Variants in ASRGL1 observed in about 807,000 individuals in gnomAD.
ASRGL1 encodes the protein asparaginase and isoaspartyl peptidase 1.
Under a neutral mutation model 22.4 loss-of-function variants are expected in ASRGL1, and 16 were observed. That is an observed-to-expected ratio of 0.71 (90% CI 0.48 to 1.08). The LOEUF is 1.08. Among genes scored for constraint, ASRGL1 ranks in the 50% least tolerant of loss-of-function variants. ASRGL1 has a pLI of 0.00. For synonymous variants in ASRGL1, 165 were observed against 159.3 expected (o/e 1.04, Z -0.27); for missense variants, 412 against 410.1 (o/e 1.00, Z -0.04).
At chr11:62,377,001 A>G (rs770530656) in intron 4 of ASRGL1, among the ~76,000 whole-genome samples, 2 of 152,252 alleles carry the variant, frequency 1.3e-5, no homozygotes, top group African/African-American at 2.4e-5. Flanking sequence ...ATAACACATT[A>G]GGACATAGAC....
At chr11:62,395,286 G>A (rs148589098), downstream of ASRGL1, among the ~76,000 whole-genome samples, 474 of 152,192 alleles carry the variant, frequency 3.1e-3, 4 homozygotes, top group African/African-American at 0.011. Context: ...CTGGCAGCCC[G>A]GCCCCGCCCC....
chr11:62,349,601 T>C (rs1269950335), intron 2 of ASRGL1, among the ~76,000 whole-genome samples: 2 of 152,146 alleles, frequency 1.3e-5, no homozygotes, highest in Non-Finnish European at 2.9e-5. Flanking sequence ...TCTTTCTTAT[T>C]ACTATTATTT....
At chr11:62,368,241 A>G (rs370419808) in intron 4 of ASRGL1, among the ~76,000 whole-genome samples, 78 of 152,310 alleles carry the variant, frequency 5.1e-4, no homozygotes, top group African/African-American at 1.8e-3. Context: ...AGGTATGTAC[A>G]TACAGTATAG....
downstream of ASRGL1, among the ~76,000 whole-genome samples, chr11:62,396,022 C>T (rs944616238): frequency 5.9e-5 from 9 of 152,014 alleles, no homozygotes; most frequent in African/African-American, 1.9e-4. Flanking sequence ...GATCCACCCA[C>T]CTCGGCCCCC....
intron 4 of ASRGL1, chr11:62,372,083 T>C: frequency 1.3e-6 from 1 of 768,050 alleles, no homozygotes; most frequent in Non-Finnish European, 2.4e-6. Context: ...CTCTGGCTCC[T>C]GTGCTGCACA....
intron 2 of ASRGL1, among the ~76,000 whole-genome samples, chr11:62,350,952 C>G (rs1031519336): frequency 1.9e-4 from 29 of 151,988 alleles, no homozygotes; most frequent in Non-Finnish European, 2.1e-4. Flanking sequence ...CTTTTTCTTG[C>G]CTTCCTATGG....
chr11:62,371,685 G>T, intron 4 of ASRGL1: 1 of 603,962 alleles, frequency 1.7e-6, no homozygotes. Flanking sequence ...AGGAGTGGTG[G>T]CTCAGGCTTG....
chr11:62,373,620 T>C (rs1009374818), intron 4 of ASRGL1, among the ~76,000 whole-genome samples: 3 of 152,252 alleles, frequency 2.0e-5, no homozygotes, highest in African/African-American at 7.2e-5. Flanking sequence ...CTAGGCGAAG[T>C]CGCCGGCCCA....
intron 2 of ASRGL1, among the ~76,000 whole-genome samples, chr11:62,340,202 C>A (rs555454155): frequency 2.0e-5 from 3 of 152,290 alleles, no homozygotes; most frequent in Admixed American, 2.0e-4. Flanking sequence ...CCCAGGAGGT[C>A]AAGGCTGCAA....
chr11:62,394,199 TA>T (rs1252934665), downstream of ASRGL1, among the ~76,000 whole-genome samples: 17 of 133,204 alleles, frequency 1.3e-4, no homozygotes, highest in African/African-American at 5.3e-4. Context: ...TACTATTATA[TA>T]TAATATATGA....
chr11:62,354,567 G>A (rs1276032959), intron 2 of ASRGL1, among the ~76,000 whole-genome samples: 1 of 152,188 alleles, frequency 6.6e-6, no homozygotes, highest in Non-Finnish European at 1.5e-5. Context: ...CACAAGCACT[G>A]AGAGGTGCTA....
rs181958680 is a variant in ASRGL1, at chr11:62,339,148, A to G, written c.190+981A>G. 1.6e-3 allele frequency among the ~76,000 whole-genome samples: 247 copies of G among 152,308 alleles called. 1 individual carries two copies. Among genetic ancestry groups the G allele is most frequent in the East Asian group, 7.3e-3 (38 of 5,174 alleles). On this transcript the variant is annotated intron_variant, in intron 2 of 6. Coordinates refer to ENST00000415229, the MANE Select transcript of ASRGL1 (RefSeq NM_001083926.2). ...TCTCTTCAGAATGTAGATTTTCCCC[A>G]CAAGAGATAGCTTTAGCTTTGCAGG...
intron 4 of ASRGL1, chr11:62,381,887 C>T (rs901193013): frequency 1.3e-5 from 2 of 152,926 alleles, no homozygotes; most frequent in Non-Finnish European, 2.9e-5. Flanking sequence ...CACGCTCTAG[C>T]TCACCTTCAC....
At position 62,373,242 on chromosome 11, in the gene ASRGL1, G is replaced by A. The variant is rs557602699; in HGVS notation, c.492-15891G>A. ...CTGTCATTTCCATGTGCACTGGGACGGGAAGTCAAACAAGGAATTTAAAAA... is the reference window on the plus strand; with the variant it reads ...CTGTCATTTCCATGTGCACTGGGACAGGAAGTCAAACAAGGAATTTAAAAA... On this transcript the variant is annotated intron_variant, in intron 4 of 6. Coordinates refer to ENST00000415229, the MANE Select transcript of ASRGL1 (RefSeq NM_001083926.2). 2.9e-5 allele frequency: 23 copies of A among 794,192 alleles called. 1 individual carries two copies. Among genetic ancestry groups the A allele is most frequent in the South Asian group, 1.9e-4 (13 of 68,164 alleles). The allele number at this position is 794,192 out of a possible 1,614,324, so 49.2% of individuals were successfully genotyped here.
chr11:62,384,241 A>G (rs1947150509), intron 4 of ASRGL1, among the ~76,000 whole-genome samples: 2 of 152,198 alleles, frequency 1.3e-5, no homozygotes, highest in African/African-American at 2.4e-5. Context: ...GCAGTGGCTC[A>G]CACCTTTAAT....
intron 4 of ASRGL1, chr11:62,371,984 C>T: frequency 1.7e-6 from 1 of 594,080 alleles, no homozygotes. Context: ...AGTTCCTAAA[C>T]AGGAAGCTGC....
downstream of ASRGL1, among the ~76,000 whole-genome samples, chr11:62,396,821 A>G (rs954296429): frequency 7.9e-5 from 12 of 151,422 alleles, no homozygotes; most frequent in African/African-American, 2.2e-4. Context: ...CTTTTTTGCT[A>G]TGCAATTATC....
chr11:62,349,661 C>A (rs1946124036), intron 2 of ASRGL1, among the ~76,000 whole-genome samples: 1 of 152,142 alleles, frequency 6.6e-6, no homozygotes, highest in Non-Finnish European at 1.5e-5. Context: ...CCGATCCAGA[C>A]CCCAAGAGAA....
At chr11:62,355,568 G>A (rs940912368) in intron 2 of ASRGL1, among the ~76,000 whole-genome samples, 2 of 151,746 alleles carry the variant, frequency 1.3e-5, no homozygotes, top group Non-Finnish European at 2.9e-5. Flanking sequence ...CAATGGAATA[G>A]AGGATGGATT....
Sources: allele counts gnomAD v4.1 joint callset (sites outside exome capture counted in the v4.1 genomes callset), GRCh38; gene constraint gnomAD v4.1.1; transcripts MANE v1.5; gene names NCBI Gene and HGNC (gene_info 2026-07-23, HGNC 2026-07-21).